Variants in JAM2 observed in about 807,000 individuals in gnomAD.
The protein encoded by JAM2 is junctional adhesion molecule 2, also known as junctional adhesion molecule B.
Under a neutral mutation model 42.0 loss-of-function variants are expected in JAM2, and 17 were observed. The ratio of observed to expected loss-of-function variants is 0.40; its 90% confidence interval spans 0.28 to 0.61. JAM2 has a LOEUF of 0.61. JAM2 is among the 20% of genes least tolerant of loss of function. The pLI is 0.37. For synonymous variants in JAM2, 118 were observed against 128.6 expected, an observed-to-expected ratio of 0.92 and a Z score of 0.56; for missense variants, 319 against 358.3, an observed-to-expected ratio of 0.89 and a Z score of 0.89.
chr21:25,675,548 AG>A (rs2033465462), intron 1 of JAM2, among the ~76,000 whole-genome samples: 1 of 135,264 alleles, frequency 7.4e-6, no homozygotes, highest in African/African-American at 2.7e-5. Flanking sequence ...GAGAGGAAGG[AG>A]GGGAAGGAAG....
chr21:25,676,942 T>A (rs779511901), intron 1 of JAM2, among the ~76,000 whole-genome samples: 58 of 152,326 alleles, frequency 3.8e-4, no homozygotes, highest in South Asian at 2.5e-3. Flanking sequence ...AATTTAAAGA[T>A]TCAGAGCTTT....
intron 3 of JAM2, among the ~76,000 whole-genome samples, chr21:25,692,713 A>G (rs2033909130): frequency 6.6e-6 from 1 of 152,220 alleles, no homozygotes; most frequent in African/African-American, 2.4e-5. Context: ...TTCTGAAAAT[A>G]CGCAATTTTT....
intron 1 of JAM2, among the ~76,000 whole-genome samples, chr21:25,677,520 G>T (rs1201817935): frequency 6.6e-6 from 1 of 152,128 alleles, no homozygotes; most frequent in Admixed American, 6.6e-5. Context: ...AAGAGAAAAT[G>T]ATTTTCTTTC....
chr21:25,650,421 T>C (rs8131610), intron 1 of JAM2, among the ~76,000 whole-genome samples: 2,324 of 152,282 alleles, frequency 0.015, 45 homozygotes, highest in African/African-American at 0.052. Context: ...CATTCAGCAT[T>C]AGGCAAATGC....
intron 1 of JAM2, among the ~76,000 whole-genome samples, chr21:25,677,294 T>C (rs1182972692): frequency 2.0e-5 from 3 of 152,210 alleles, no homozygotes; most frequent in African/African-American, 7.2e-5. Flanking sequence ...TTTGCCTACA[T>C]AATTTTGCCA....
rs78937144 is a variant in JAM2, at chr21:25,709,210, T to TG, written c.806-224_806-223insG. Among the ~76,000 whole-genome samples, 13,584 of 152,022 alleles carry TG rather than the reference T, an allele frequency of 0.089. 802 individuals carry two copies. The highest frequency in any genetic ancestry group is 0.31 in the East Asian group (1,579 of 5,176). On this transcript the variant is annotated intron_variant, in intron 7 of 9. Transcript: ENST00000480456. ...TTTGGAAATTTGTTTGCTCTCTTGT[T>TG]ACTTAAGTACCTATATAGTATCCTC...
Position 25,716,990 on chromosome 21 carries a change from G to A in JAM2, c.*2318G>A, listed in dbSNP as rs1280052890. 2 of 152,244 alleles carry A rather than the reference G, an allele frequency of 1.3e-5. No homozygotes were observed. Among genetic ancestry groups the A allele is most frequent in the Admixed American group, 6.5e-5 (1 of 15,288 alleles). 9.4% of individuals were successfully genotyped at this position (152,244 alleles called of 1,614,324 possible). A position where few individuals can be genotyped will look rare whatever the true frequency, so the allele number is the denominator to read the frequency against. On this transcript the variant is annotated 3_prime_UTR_variant, in exon 10 of 10. Transcript: ENST00000480456. ...AATCCATATTGTGGAAGGAAAATAT[G>A]TAGTGCCTTAGCTTCACTAATAGTT...
chr21:25,661,033 C>T (rs1330521404), intron 1 of JAM2, among the ~76,000 whole-genome samples: 4 of 151,442 alleles, frequency 2.6e-5, no homozygotes, highest in Admixed American at 1.3e-4. Flanking sequence ...TTAGGTGATC[C>T]GCCCACCTCG....
chr21:25,702,263 C>A lies in JAM2; in HGVS notation c.691C>A (p.Gln231Lys). 1 of 1,584,512 alleles carries A rather than the reference C, an allele frequency of 6.3e-7. No individual in the cohort carries two copies. Among genetic ancestry groups the A allele is most frequent in the Non-Finnish European group, 8.6e-7 (1 of 1,157,284 alleles). The change falls in exon 6 of 10, where the codon CAA (glutamine) becomes AAA (lysine). Residue 231 changes from glutamine (Q) to lysine (K), a missense_variant. Coordinates refer to ENST00000480456, the MANE Select transcript of JAM2 (RefSeq NM_021219.4). Reference protein sequence around the residue: ...GYRRCPGKRMQVDDLNISGII... With the variant: ...GYRRCPGKRMKVDDLNISGII... ...TCGCAGGTGTCCTGGGAAACGAATG[C>A]AAGTAGGTAAGCATGAAATATTGGG...
At chr21:25,705,000 C>G (rs2034242963) in intron 6 of JAM2, among the ~76,000 whole-genome samples, 1 of 152,170 alleles carries the variant, frequency 6.6e-6, no homozygotes, top group African/African-American at 2.4e-5. Context: ...TATTTCCAAA[C>G]TTGGGTTCAA....
intron 9 of JAM2, among the ~76,000 whole-genome samples, chr21:25,713,980 C>T (rs1324608411): frequency 6.6e-6 from 1 of 152,226 alleles, no homozygotes; most frequent in Non-Finnish European, 1.5e-5. Flanking sequence ...AACCTCAGCA[C>T]TACTGATATT....
At chr21:25,690,310 C>T (rs2033850790) in intron 3 of JAM2, among the ~76,000 whole-genome samples, 1 of 148,332 alleles carries the variant, frequency 6.7e-6, no homozygotes, top group African/African-American at 2.5e-5. Context: ...CTTTCTCTTC[C>T]TTCCTTCCTT....
intron 1 of JAM2, among the ~76,000 whole-genome samples, chr21:25,641,302 A>T (rs1374817828): frequency 6.6e-6 from 1 of 151,964 alleles, no homozygotes; most frequent in Non-Finnish European, 1.5e-5. Context: ...TAGAATTGTC[A>T]CTAATTAAAA....
intron 1 of JAM2, among the ~76,000 whole-genome samples, chr21:25,662,387 C>T (rs1190588166): frequency 6.6e-6 from 1 of 151,816 alleles, no homozygotes; most frequent in Non-Finnish European, 1.5e-5. Context: ...TGGGCTCAAA[C>T]AGTCCTCCAG....
intron 2 of JAM2, among the ~76,000 whole-genome samples, chr21:25,684,261 G>A (rs1406921512): frequency 6.6e-6 from 1 of 152,198 alleles, no homozygotes; most frequent in African/African-American, 2.4e-5. Context: ...AGCTAGATAT[G>A]ATACATAGAA....
At chr21:25,659,615 G>T (rs111315465) in intron 1 of JAM2, among the ~76,000 whole-genome samples, 2 of 152,058 alleles carry the variant, frequency 1.3e-5, no homozygotes, top group Admixed American at 6.6e-5. Flanking sequence ...ATTAATATGA[G>T]ACTTTTTCTG....
chr21:25,673,933 A>G (rs1601018709), intron 1 of JAM2, among the ~76,000 whole-genome samples: 2 of 152,276 alleles, frequency 1.3e-5, no homozygotes, highest in Non-Finnish European at 2.9e-5. Flanking sequence ...TGTAGTGAAT[A>G]AGTCTCACGC....
intron 6 of JAM2, among the ~76,000 whole-genome samples, chr21:25,704,059 C>T (rs1407125449): frequency 1.3e-5 from 2 of 150,212 alleles, no homozygotes; most frequent in Non-Finnish European, 2.9e-5. Flanking sequence ...AACTACAAGA[C>T]AGTTTTTTTT....
chr21:25,669,698 A>G (rs939693762), intron 1 of JAM2, among the ~76,000 whole-genome samples: 1 of 152,230 alleles, frequency 6.6e-6, no homozygotes, highest in African/African-American at 2.4e-5. Flanking sequence ...ATCCAAGGTG[A>G]CGTGGCTAGT....
Sources: gnomAD v4.1 joint callset for allele counts (sites outside exome capture counted in the v4.1 genomes callset) on GRCh38, gnomAD v4.1.1 for gene constraint, MANE v1.5 for transcripts, NCBI Gene and HGNC (gene_info 2026-07-23, HGNC 2026-07-21) for gene names.